TMC4: variants seen among roughly 807,000 people sequenced by gnomAD.
TMC4 encodes voltage-gated chloride channel TMC4.
A neutral mutation model predicts 82.0 loss-of-function variants in TMC4; 70 were observed. That is an observed-to-expected ratio of 0.85 (90% CI 0.70 to 1.04). TMC4 has a LOEUF of 1.04. Among genes scored for constraint, TMC4 ranks in the 50% least tolerant of loss-of-function variants. The probability of loss-of-function intolerance (pLI) is 0.00; values close to 1 mark genes in which losing one functional copy is unlikely to be tolerated. For missense variants in TMC4, 879 were observed against 899.0 expected (o/e 0.98, Z 0.28); for synonymous variants, 446 against 406.0 (o/e 1.10, Z -1.18).
In TMC4 at chr19:54,164,517, G is replaced by A. The variant is rs930082357; in HGVS notation, c.1030C>T (p.Leu344=). 5 of 1,613,830 alleles carry A rather than the reference G, an allele frequency of 3.1e-6. No homozygotes were observed. Among genetic ancestry groups the A allele is most frequent in the Middle Eastern group, 1.6e-4 (1 of 6,084 alleles). Residue 344 remains leucine (L), a synonymous_variant, in exon 7 of 15, where the codon CTG becomes TTG. Transcript: ENST00000619895. ...AGCGCGACCACCAGCAGGTTGAGCA[G>A]CACCCGCACCAACCAAACCCTGGCT... is the stretch of plus-strand genomic sequence containing the variant. ...QQARVWLVRV[L]LNLLVVALLG...
intron 5 of TMC4, 107 bp downstream of exon 5, chr19:54,168,064 A>C: frequency 1.8e-6 from 1 of 541,784 alleles, no homozygotes; most frequent in South Asian, 4.8e-5. Context: ...ACTCCGTCTC[A>C]AAAAAAAAAA....
Position 54,162,180 on chromosome 19 carries a change from G to C in TMC4, c.1608C>G (p.Val536=). 2 of 1,613,812 alleles carry C rather than the reference G, an allele frequency of 1.2e-6. No homozygotes were observed. Among genetic ancestry groups the C allele is most frequent in the Non-Finnish European group, 1.7e-6 (2 of 1,179,910 alleles). ...VLGLIYAQTV[V]WVGSFFCPLL... is the part of the protein sequence containing the mutation. ...AAGGGCAGAAAAAACTCCCCACCCA[G>C]ACCACCGTCTGCGCGTAGATGAGCC... The change falls in exon 11 of 15, where the codon GTC becomes GTG. Residue 536 remains valine, a synonymous_variant. Transcript: ENST00000619895.
chr19:54,164,714 T>C (rs2075657506), intron 6 of TMC4, 113 bp from the exon 7 acceptor site: 1 of 1,390,920 alleles, frequency 7.2e-7, no homozygotes, highest in South Asian at 1.3e-5. Flanking sequence ...TGCAGCCGTC[T>C]CCCCACCCGC....
chr19:54,165,685 C>T (rs563873169), intron 5 of TMC4, 119 bp from the exon 6 acceptor site: 3 of 1,187,842 alleles, frequency 2.5e-6, no homozygotes, highest in African/African-American at 1.5e-5. Flanking sequence ...GGGTACTAGG[C>T]GAGTTCCCAC....
chr19:54,162,632 T>A, intron 10 of TMC4, 41 bp downstream of exon 10: 1 of 1,490,198 alleles, frequency 6.7e-7, no homozygotes, highest in Non-Finnish European at 9.3e-7. Flanking sequence ...CACGGCCTCG[T>A]CCTAGAGGGG....
At position 54,164,535 on chromosome 19, in the gene TMC4, C is replaced by A; in HGVS notation, c.1012G>T (p.Val338Phe). ...TTGAGCAGCACCCGCACCAACCAAA[C>A]CCTGGCTTGCTGGCCCAGCGTCCGC... Reference protein sequence around the residue: ...AVRTLGQQARVWLVRVLLNLL... With the variant: ...AVRTLGQQARFWLVRVLLNLL... Residue 338 changes from valine (V) to phenylalanine (F), a missense_variant, in exon 7 of 15, where the codon GTT becomes TTT. Transcript: ENST00000619895. 1 of 1,613,926 alleles carries A rather than the reference C, an allele frequency of 6.2e-7. No individual in the cohort carries two copies. Among genetic ancestry groups the A allele is most frequent in the Non-Finnish European group, 8.5e-7 (1 of 1,179,998 alleles).
chr19:54,168,621 TAAG>T lies in TMC4; in HGVS notation c.499_501del (p.Leu167del), dbSNP rs746618661. The T allele has an allele frequency of 1.9e-5, 31 of 1,594,926 alleles. No individual in the cohort carries two copies. The highest frequency in any genetic ancestry group is 1.2e-4 in the African/African-American group (9 of 74,338). On this transcript the variant is annotated inframe_deletion, in exon 4 of 15. Transcript: ENST00000619895. ...GCCATGAGCACAGAGGCCAGCACGT[TAAG>T]AAGGAGCAGGAAGCGCAGCAGGGAG...
At chr19:54,170,745 G>T (rs73062686) in intron 2 of TMC4, among the ~76,000 whole-genome samples, 14 of 151,832 alleles carry the variant, frequency 9.2e-5, no homozygotes, top group African/African-American at 3.1e-4. Flanking sequence ...CAATTCTCCC[G>T]CCTCAGCCTC....
chr19:54,160,623 G>A, intron 13 of TMC4, 78 bp from the exon 14 acceptor site: 1 of 1,597,018 alleles, frequency 6.3e-7, no homozygotes, highest in Non-Finnish European at 8.5e-7. Flanking sequence ...TCGAAGCCAG[G>A]GATGTGGACG....
rs531575516 is a variant in TMC4, at chr19:54,162,411, T to G, written c.1503-126A>C. ...TGGTGGGGGGGGGGGGGGCGGGACT[T>G]TCAGGACTCCACGTGGAGGGGGTGT... On this transcript the variant is annotated intron_variant, in intron 10 of 14. Coordinates refer to ENST00000619895, the MANE Select transcript of TMC4 (RefSeq NM_144686.4). 3.1e-4 allele frequency: 231 copies of G among 748,526 alleles called. 1 individual carries two copies. In the African/African-American group the frequency reaches 3.8e-3, roughly 12 times the overall value. 46.4% of individuals were successfully genotyped at this position (748,526 alleles called of 1,614,324 possible).
In TMC4 at chr19:54,162,262, C is replaced by A. The variant is rs1381623707; in HGVS notation, c.1526G>T (p.Gly509Val). 1 of 1,601,524 alleles carries A rather than the reference C, an allele frequency of 6.2e-7. No homozygotes were observed. Among genetic ancestry groups the A allele is most frequent in the South Asian group, 1.1e-5 (1 of 89,636 alleles). Residue 509 changes from glycine (G) to valine (V), a missense_variant, in exon 11 of 15, where the codon GGG (glycine) becomes GTG (valine). Gly to Val is a moderately radical substitution (Grantham distance 109). Transcript: ENST00000619895. The part of the protein sequence containing the change: ...PRKLLCGLCP[G>V]ALGRLAGTQE... Reference sequence around the variant, plus strand: ...GGTCCCCGCCAGACGACCCAGCGCCCCAGGACAGAGGCCACAGAGGAGCCT... The same window carrying A: ...GGTCCCCGCCAGACGACCCAGCGCCACAGGACAGAGGCCACAGAGGAGCCT...
At position 54,160,270 on chromosome 19, in the gene TMC4, G is replaced by A. The variant is rs2075504603; in HGVS notation, c.*36C>T. On this transcript the variant is annotated 3_prime_UTR_variant, in exon 15 of 15. Transcript: ENST00000619895. ...ATGTTGTGACCTAGGCTTACAATGG[G>A]CCTGGGGTCTGAAAGCGGGACGTGG... 2 of 1,511,196 alleles carry A rather than the reference G, an allele frequency of 1.3e-6. No homozygotes were observed. Among genetic ancestry groups the A allele is most frequent in the Non-Finnish European group, 1.8e-6 (2 of 1,130,518 alleles). 93.6% of individuals were successfully genotyped at this position (1,511,196 alleles called of 1,614,324 possible).
At chr19:54,170,267 C>T (rs1005397477) in intron 2 of TMC4, among the ~76,000 whole-genome samples, 8 of 148,338 alleles carry the variant, frequency 5.4e-5, no homozygotes, top group Non-Finnish European at 8.9e-5. Context: ...GCCCAGGTGT[C>T]GGAGGCTGCA....
chr19:54,165,705 T>C (rs887233110), intron 5 of TMC4, 139 bp from the exon 6 acceptor site: 2 of 976,528 alleles, frequency 2.0e-6, no homozygotes, highest in South Asian at 1.8e-5. Flanking sequence ...CCAGACCAGA[T>C]GGGGAAAGAG....
At chr19:54,166,933 A>T (rs2075720292) in intron 5 of TMC4, among the ~76,000 whole-genome samples, 1 of 151,214 alleles carries the variant, frequency 6.6e-6, no homozygotes, top group Admixed American at 6.6e-5. Context: ...AGCCTGGGTG[A>T]CAGAGCGAGA....
Position 54,160,722 on chromosome 19 carries a change from C to T in TMC4, c.1973+156G>A, listed in dbSNP as rs2075522582. 5 of 1,405,468 alleles carry T rather than the reference C, an allele frequency of 3.6e-6. No individual in the cohort carries two copies. The Admixed American group carries it at 7.1e-5, about 20-fold the overall frequency. 87.1% of individuals were successfully genotyped at this position (1,405,468 alleles called of 1,614,324 possible). A position where few individuals can be genotyped will look rare whatever the true frequency, so the allele number is the denominator to read the frequency against. ...AGGAGTCCTACGTCCCGCCCACCTCCTCCTTCGGACCCAGCAGTCCAGGAG... is the reference window on the plus strand; with the variant it reads ...AGGAGTCCTACGTCCCGCCCACCTCTTCCTTCGGACCCAGCAGTCCAGGAG... On this transcript the variant is annotated intron_variant, in intron 13 of 14. Transcript: ENST00000619895.
In TMC4 at chr19:54,165,449, C is replaced by T; in HGVS notation, c.915G>A (p.Leu305=). The change falls in exon 6 of 15, where the codon CTG becomes CTA. Residue 305 remains leucine, a synonymous_variant. Coordinates refer to ENST00000619895, the MANE Select transcript of TMC4 (RefSeq NM_144686.4). ...FGLCGDVHVR[L]RQRIILYELK... is the part of the protein sequence containing the mutation. ...ATTCGTACAAGATGATGCGCTGGCG[C>T]AGCCGCACGTGGACGTCCCCGCAGA... 1 of 1,610,078 alleles carries T rather than the reference C, an allele frequency of 6.2e-7. No individual in the cohort carries two copies. Among genetic ancestry groups the T allele is most frequent in the South Asian group, 1.1e-5 (1 of 90,932 alleles).
intron 3 of TMC4, 29 bp downstream of exon 3, chr19:54,169,483 C>T (rs959342411): frequency 1.2e-6 from 2 of 1,601,978 alleles, no homozygotes; most frequent in Non-Finnish European, 1.7e-6. Context: ...AGGCCCTGCC[C>T]CCAGGACACC....
intron 9 of TMC4, 129 bp from the exon 10 acceptor site, chr19:54,162,899 A>G: frequency 6.5e-7 from 1 of 1,550,256 alleles, no homozygotes; most frequent in Admixed American, 1.8e-5. Flanking sequence ...TCGTTTTTCA[A>G]ACTTTCATAC....
Sources: gnomAD v4.1 joint callset for allele counts (sites outside exome capture counted in the v4.1 genomes callset) on GRCh38, gnomAD v4.1.1 for gene constraint, MANE v1.5 for transcripts, NCBI Gene and HGNC (gene_info 2026-07-23, HGNC 2026-07-21) for gene names.